Variants in BLTP3A observed in about 807,000 individuals in gnomAD.
The protein encoded by BLTP3A is bridge-like lipid transfer protein family member 3A, also known as ICBP90 binding protein 1.
the BLTP3A span, among the ~76,000 whole-genome samples, chr6:34,818,104 C>T: frequency 6.6e-6 from 1 of 152,048 alleles, no homozygotes; most frequent in African/African-American, 2.4e-5. Context: ...GTGATCCGCC[C>T]GCCTTGGCCT....
At chr6:34,830,676 A>T in the BLTP3A span, among the ~76,000 whole-genome samples, 2 of 152,210 alleles carry the variant, frequency 1.3e-5, no homozygotes, top group Non-Finnish European at 2.9e-5. Context: ...GTGAAAGAGA[A>T]TAGTGCTGCT....
chr6:34,808,216 A>G, the BLTP3A span, among the ~76,000 whole-genome samples: 1 of 151,490 alleles, frequency 6.6e-6, no homozygotes, highest in Non-Finnish European at 1.5e-5. Flanking sequence ...GGTGGCGGGC[A>G]CCTGTAATCC....
At chr6:34,815,940 C>G in the BLTP3A span, among the ~76,000 whole-genome samples, 29,492 of 152,158 alleles carry the variant, frequency 0.19, 3,400 homozygotes, top group African/African-American at 0.31. Flanking sequence ...GCAACCGTGC[C>G]CGGCCTGCAT....
At chr6:34,836,412 C>G in the BLTP3A span, 3 of 1,489,288 alleles carry the variant, frequency 2.0e-6, no homozygotes, top group African/African-American at 4.2e-5. Flanking sequence ...TGGGCAGAGC[C>G]TGGGGATGAA....
At chr6:34,844,751 T>A in the BLTP3A span, among the ~76,000 whole-genome samples, 2 of 152,220 alleles carry the variant, frequency 1.3e-5, no homozygotes, top group African/African-American at 4.8e-5. Context: ...GTCTAGTTAT[T>A]AATCCCTTGC....
the BLTP3A span, chr6:34,875,546 A>C: frequency 1.3e-5 from 2 of 152,088 alleles, no homozygotes; most frequent in East Asian, 3.9e-4. Flanking sequence ...GGGAGTAAAA[A>C]CATATCCAGT....
the BLTP3A span, chr6:34,872,011 A>C: frequency 7.4e-7 from 1 of 1,349,152 alleles, no homozygotes; most frequent in Non-Finnish European, 1.0e-6. Context: ...GGGGGGCAAA[A>C]AGGTTGCGTG....
At chr6:34,820,165 T>TA in the BLTP3A span, among the ~76,000 whole-genome samples, 237 of 147,740 alleles carry the variant, frequency 1.6e-3, no homozygotes, top group East Asian at 0.012. Context: ...CAAGTAGTGC[T>TA]AAAAAAAAAA....
the BLTP3A span, among the ~76,000 whole-genome samples, chr6:34,812,329 A>T: frequency 2.1e-5 from 1 of 47,504 alleles, no homozygotes; most frequent in Non-Finnish European, 3.5e-5. Context: ...ACTCCGTCTT[A>T]AAAAAAAAAA....
the BLTP3A span, among the ~76,000 whole-genome samples, chr6:34,808,346 C>CAAAAAAAAAAA: frequency 1.3e-3 from 34 of 26,700 alleles, 1 homozygote; most frequent in East Asian, 0.013. Context: ...AACTCCGTCT[C>CAAAAAAAAAAA]AAAAAAAAAA....
the BLTP3A span, among the ~76,000 whole-genome samples, chr6:34,808,125 C>A: frequency 6.6e-5 from 10 of 151,568 alleles, no homozygotes; most frequent in Admixed American, 3.9e-4. Context: ...GGGTGGATCA[C>A]CTGAGGTCAG....
chr6:34,870,723 G>A, the BLTP3A span: 2 of 1,262,104 alleles, frequency 1.6e-6, no homozygotes, highest in Non-Finnish European at 2.1e-6. Context: ...GTTATTCTCT[G>A]TGACTTCGTT....
the BLTP3A span, among the ~76,000 whole-genome samples, chr6:34,854,899 C>T: frequency 6.6e-6 from 1 of 152,134 alleles, no homozygotes; most frequent in African/African-American, 2.4e-5. Context: ...CCAGACAATA[C>T]ACACATGCAG....
the BLTP3A span, among the ~76,000 whole-genome samples, chr6:34,810,377 A>G: frequency 3.3e-5 from 5 of 152,232 alleles, no homozygotes; most frequent in African/African-American, 9.6e-5. Flanking sequence ...ACATCATACA[A>G]CGTTTTAAGC....
chr6:34,795,552 C>T, the BLTP3A span, among the ~76,000 whole-genome samples: 5 of 151,002 alleles, frequency 3.3e-5, no homozygotes, highest in African/African-American at 9.7e-5. Context: ...CGCGTGCCAC[C>T]ACACCCGGCT....
the BLTP3A span, among the ~76,000 whole-genome samples, chr6:34,800,326 A>G: frequency 3.9e-5 from 6 of 152,216 alleles, no homozygotes; most frequent in Admixed American, 2.0e-4. Flanking sequence ...CTCTATACCC[A>G]CTGTAATGTG....
the BLTP3A span, among the ~76,000 whole-genome samples, chr6:34,802,612 C>T: frequency 2.0e-5 from 3 of 152,174 alleles, no homozygotes; most frequent in East Asian, 5.8e-4. Context: ...CCGCCTGCCT[C>T]GGCCTCCCAA....
chr6:34,833,263 G>A, the BLTP3A span, among the ~76,000 whole-genome samples: 1 of 152,192 alleles, frequency 6.6e-6, no homozygotes, highest in Non-Finnish European at 1.5e-5. Context: ...TGGTATAGGA[G>A]ATGGTACTGG....
the BLTP3A span, chr6:34,821,763 T>C: frequency 2.5e-6 from 4 of 1,614,196 alleles, no homozygotes; most frequent in Non-Finnish European, 3.4e-6. Context: ...GTACTGGAGC[T>C]GCCCACCTGG....
Sources: gnomAD v4.1 joint callset for allele counts (sites outside exome capture counted in the v4.1 genomes callset) on GRCh38, gnomAD v4.1.1 for gene constraint, MANE v1.5 for transcripts, NCBI Gene and HGNC (gene_info 2026-07-23, HGNC 2026-07-21) for gene names.